Variants in UBLCP1 observed in about 807,000 individuals in gnomAD.
The protein encoded by UBLCP1 is ubiquitin-like domain-containing CTD phosphatase 1.
A neutral mutation model predicts 42.4 loss-of-function variants in UBLCP1; 28 were observed. The observed-to-expected ratio is 0.66, with a 90% CI of 0.49 to 0.90. The LOEUF is 0.90. Among genes scored for constraint, UBLCP1 ranks in the 40% least tolerant of loss-of-function variants. The pLI is 0.00. For synonymous variants in UBLCP1, 122 were observed against 120.8 expected, an observed-to-expected ratio of 1.01 and a Z score of -0.07; for missense variants, 279 against 374.5, an observed-to-expected ratio of 0.75 and a Z score of 2.10.
intron 6 of UBLCP1, among the ~76,000 whole-genome samples, chr5:159,273,834 T>TCACACACACACACACA (rs34999232): frequency 7.4e-5 from 11 of 148,574 alleles, no homozygotes; most frequent in African/African-American, 2.5e-4. Context: ...CTTTTAAAAA[T>TCACACACACACACACA]CACACACACA....
rs1294041610 is a variant in UBLCP1, at chr5:159,275,261, T to G, written c.684+15T>G. 6.3e-7 allele frequency: 1 copy of G among 1,585,540 alleles called. No homozygotes were observed. Among genetic ancestry groups the G allele is most frequent in the South Asian group, 1.1e-5 (1 of 90,434 alleles). On this transcript the variant is annotated intron_variant, in intron 8 of 10. Coordinates refer to ENST00000296786, the MANE Select transcript of UBLCP1 (RefSeq NM_145049.5). ...GATTAATAGACGTAAGAAGTCATTT[T>G]ATTTCTATTTAATGACACCATGGTT...
chr5:159,275,196 G>A lies in UBLCP1; in HGVS notation c.634G>A (p.Asp212Asn). 3 of 1,613,260 alleles carry A rather than the reference G, an allele frequency of 1.9e-6. No individual in the cohort carries two copies. The highest frequency in any genetic ancestry group is 1.1e-5 in the South Asian group (1 of 91,062). The change falls in exon 8 of 11, where the codon GAT (aspartate) becomes AAT (asparagine). Residue 212 changes from aspartate to asparagine, a missense_variant. Physicochemically the swap from Asp to Asn is conservative, Grantham distance 23 (BLOSUM62 1). Coordinates refer to ENST00000296786, the MANE Select transcript of UBLCP1 (RefSeq NM_145049.5). The stretch of plus-strand genomic sequence containing the variant: ...AAATTATAAGATTACTTTCATGTTG[G>A]ATAGTGCTGCTATGATAACAGTACA... ...NANYKITFMLDSAAMITVHTP... is the reference protein window; with the variant it reads ...NANYKITFMLNSAAMITVHTP...
chr5:159,283,046 A>T (rs934178031), intron 9 of UBLCP1, among the ~76,000 whole-genome samples, 166 bp from the exon 10 acceptor site: 2 of 152,084 alleles, frequency 1.3e-5, no homozygotes, highest in African/African-American at 4.8e-5. Flanking sequence ...TGTAATTTGT[A>T]AACATTATAC....
At chr5:159,272,462 C>T (rs1020226161) in intron 6 of UBLCP1, among the ~76,000 whole-genome samples, 3 of 151,462 alleles carry the variant, frequency 2.0e-5, no homozygotes, top group Non-Finnish European at 4.4e-5. Context: ...CTGTGTTGCC[C>T]AGACTGGTTT....
At chr5:159,271,919 G>T in intron 5 of UBLCP1, 104 bp from the exon 6 acceptor site, 1 of 754,508 alleles carries the variant, frequency 1.3e-6, no homozygotes, top group Non-Finnish European at 2.1e-6. Context: ...GCAATGAAAT[G>T]TTTATGTTTG....
Position 159,271,827 on chromosome 5 carries a change from T to C in UBLCP1, c.449-196T>C, listed in dbSNP as rs189050880. ...TGCAAATTGAACAAAATTGATCGAC[T>C]AAAATTGGATCTTAAGGATTTTAAA... is the stretch of plus-strand genomic sequence containing the variant. On this transcript the variant is annotated intron_variant, in intron 5 of 10. Transcript: ENST00000296786. 4.1e-3 allele frequency among the ~76,000 whole-genome samples: 619 copies of C among 152,370 alleles called. 1 individual carries two copies. Among genetic ancestry groups the C allele is most frequent in the African/African-American group, 0.014 (596 of 41,596 alleles).
chr5:159,274,484 T>C, intron 6 of UBLCP1, 101 bp from the exon 7 acceptor site: 1 of 967,544 alleles, frequency 1.0e-6, no homozygotes, highest in Non-Finnish European at 1.6e-6. Context: ...TTCTGATGCA[T>C]TTAAACTTTT....
At chr5:159,263,881 T>G (rs1167997483) in intron 1 of UBLCP1, among the ~76,000 whole-genome samples, 1 of 152,232 alleles carries the variant, frequency 6.6e-6, no homozygotes, top group Non-Finnish European at 1.5e-5. Context: ...ACTTTAAAAT[T>G]TCTTCATTTG....
At chr5:159,276,711 T>A (rs948214621) in intron 8 of UBLCP1, among the ~76,000 whole-genome samples, 3 of 152,192 alleles carry the variant, frequency 2.0e-5, no homozygotes, top group Non-Finnish European at 4.4e-5. Flanking sequence ...GAAAGAAGTA[T>A]TTTAGAGAAC....
intron 9 of UBLCP1, among the ~76,000 whole-genome samples, chr5:159,279,291 T>C (rs971383871): frequency 3.9e-5 from 6 of 152,270 alleles, no homozygotes; most frequent in African/African-American, 1.4e-4. Flanking sequence ...TGCAACTGCA[T>C]GCAGTCTTAT....
At chr5:159,263,705 A>G (rs1404688568) in intron 1 of UBLCP1, among the ~76,000 whole-genome samples, 1 of 151,922 alleles carries the variant, frequency 6.6e-6, no homozygotes, top group African/African-American at 2.4e-5. Context: ...CCTGCCTCCT[A>G]ATGCTCCCCT....
chr5:159,283,354 CTTAT>C lies in UBLCP1; in HGVS notation c.929+22_929+25del, dbSNP rs538154902. The C allele has an allele frequency of 7.7e-5, 120 of 1,559,132 alleles. No individual in the cohort carries two copies. In the African/African-American group the frequency reaches 1.2e-3, roughly 15 times the overall value. On this transcript the variant is annotated intron_variant, in intron 10 of 10. Transcript: ENST00000296786. ...TATTGGGAAAGGTAAGTTTTAATTG[CTTAT>C]TTATTTTCTCTTTACATCAATGAAG...
chr5:159,281,472 T>C (rs1213857163), intron 9 of UBLCP1, among the ~76,000 whole-genome samples: 1 of 152,186 alleles, frequency 6.6e-6, no homozygotes, highest in Non-Finnish European at 1.5e-5. Context: ...CATTCACTGC[T>C]GCTCGGAAAC....
chr5:159,269,063 G>A lies in UBLCP1; in HGVS notation c.148G>A (p.Val50Ile). Reference protein sequence around the residue: ...PERQKLLGLKVKGKPAENDVK... With the variant: ...PERQKLLGLKIKGKPAENDVK... ...ACGCCAAAAGTTACTTGGACTCAAA[G>A]TTAAAGGTAATTCTCTCCCCTCTTC... The change falls in exon 2 of 11, where the codon GTT (valine) becomes ATT (isoleucine). Residue 50 changes from valine to isoleucine, a missense_variant. Physicochemically the swap from Val to Ile is conservative, Grantham distance 29. Coordinates refer to ENST00000296786, the MANE Select transcript of UBLCP1 (RefSeq NM_145049.5). The A allele has an allele frequency of 6.3e-7, 1 of 1,574,832 alleles. No homozygotes were observed. The highest frequency in any genetic ancestry group is 8.6e-7 in the Non-Finnish European group (1 of 1,165,552).
chr5:159,275,089 G>A, intron 7 of UBLCP1, 59 bp from the exon 8 acceptor site: 2 of 1,487,930 alleles, frequency 1.3e-6, no homozygotes, highest in Non-Finnish European at 1.9e-6. Flanking sequence ...AGAATATTCA[G>A]AAAATCTGAA....
intron 10 of UBLCP1, 97 bp from the exon 11 acceptor site, chr5:159,284,807 T>C: frequency 7.9e-7 from 1 of 1,260,380 alleles, no homozygotes; most frequent in South Asian, 1.2e-5. Flanking sequence ...TCTTGAAATG[T>C]TTTGTCATTA....
chr5:159,281,954 A>G (rs1217799830), intron 9 of UBLCP1, among the ~76,000 whole-genome samples: 5 of 151,858 alleles, frequency 3.3e-5, no homozygotes, highest in Non-Finnish European at 4.4e-5. Flanking sequence ...CAGTCCTTAC[A>G]TGTGTGCTTT....
chr5:159,284,759 C>T, intron 10 of UBLCP1, 145 bp from the exon 11 acceptor site: 3 of 800,882 alleles, frequency 3.7e-6, no homozygotes, highest in East Asian at 4.9e-5. Flanking sequence ...TGTGCGTGCA[C>T]ATAATCAGTA....
chr5:159,267,687 G>A (rs558950845), intron 1 of UBLCP1, among the ~76,000 whole-genome samples: 21 of 152,302 alleles, frequency 1.4e-4, no homozygotes, highest in South Asian at 2.1e-4. Context: ...GGACCCAGGG[G>A]AAGGTAATTG....
Sources: gnomAD v4.1 joint callset for allele counts (sites outside exome capture counted in the v4.1 genomes callset) on GRCh38, gnomAD v4.1.1 for gene constraint, MANE v1.5 for transcripts, NCBI Gene and HGNC (gene_info 2026-07-23, HGNC 2026-07-21) for gene names.